SIRT5: variants seen among roughly 807,000 people sequenced by gnomAD.
SIRT5 encodes the protein NAD-dependent protein deacylase sirtuin-5, mitochondrial.
Under a neutral mutation model 40.0 loss-of-function variants are expected in SIRT5, and 26 were observed. The observed-to-expected ratio is 0.65, with a 90% CI of 0.48 to 0.90. SIRT5 has a LOEUF of 0.90. Ranked by LOEUF, SIRT5 falls within the 40% of genes least tolerant of loss-of-function variation. The probability of loss-of-function intolerance (pLI) is 0.00; values close to 1 mark genes in which losing one functional copy is unlikely to be tolerated. For missense variants in SIRT5, 401 were observed against 402.4 expected, an observed-to-expected ratio of 1.00 and a Z score of 0.03; for synonymous variants, 146 against 149.1, an observed-to-expected ratio of 0.98 and a Z score of 0.15.
At chr6:13,588,538 C>T (rs984453198) in intron 4 of SIRT5, 74 bp downstream of exon 4, 10 of 1,503,056 alleles carry the variant, frequency 6.7e-6, no homozygotes, top group Non-Finnish European at 8.9e-6. Flanking sequence ...AAATCCTATA[C>T]CGATCCCCGA....
At chr6:13,585,621 T>G (rs1034723599) in intron 3 of SIRT5, among the ~76,000 whole-genome samples, 4 of 152,212 alleles carry the variant, frequency 2.6e-5, no homozygotes, top group African/African-American at 9.7e-5. Context: ...ATTTGCCACA[T>G]TTTCTTAGTC....
intron 9 of SIRT5, 53 bp downstream of exon 9, chr6:13,601,002 G>T: frequency 7.2e-7 from 1 of 1,395,204 alleles, no homozygotes; most frequent in Non-Finnish European, 1.0e-6. Context: ...GTACAGACAT[G>T]GTCATCTAAA....
intron 5 of SIRT5, among the ~76,000 whole-genome samples, chr6:13,593,653 G>GT (rs1331089923): frequency 4.6e-5 from 7 of 151,916 alleles, no homozygotes; most frequent in African/African-American, 9.7e-5. Context: ...CTGATGAAGG[G>GT]TTTTTTTTAA....
intron 7 of SIRT5, among the ~76,000 whole-genome samples, chr6:13,598,591 AG>A (rs944924130): frequency 1.3e-5 from 2 of 152,168 alleles, no homozygotes; most frequent in African/African-American, 4.8e-5. Flanking sequence ...GCACTTTGGG[AG>A]GCCGAGGAGG....
Position 13,611,817 on chromosome 6 carries a change from G to A in SIRT5, c.885G>A (p.Thr295=), listed in dbSNP as rs201653165. The change falls in exon 10 of 10, where the codon ACG becomes ACA. Residue 295 remains threonine, a synonymous_variant. Coordinates refer to ENST00000606117, the MANE Select transcript of SIRT5 (RefSeq NM_012241.5). ...TTCATTTCCAGGGACCCTGTGGAACGACTCTTCCTGAAGCCCTTGCCTGTC... is the reference window on the plus strand; with the variant it reads ...TTCATTTCCAGGGACCCTGTGGAACAACTCTTCCTGAAGCCCTTGCCTGTC... ...FRFHFQGPCG[T]TLPEALACHE... 86 of 1,613,816 alleles carry A rather than the reference G, an allele frequency of 5.3e-5. No individual in the cohort carries two copies. Among genetic ancestry groups the A allele is most frequent in the Middle Eastern group, 1.6e-4 (1 of 6,084 alleles).
At chr6:13,577,328 A>G (rs1758757260) in intron 1 of SIRT5, among the ~76,000 whole-genome samples, 1 of 152,064 alleles carries the variant, frequency 6.6e-6, no homozygotes, top group Admixed American at 6.5e-5. Context: ...TTCTCACATC[A>G]GTGTTTTATG....
chr6:13,596,864 C>G, intron 6 of SIRT5, 99 bp from the exon 7 acceptor site: 1 of 938,572 alleles, frequency 1.1e-6, no homozygotes, highest in Admixed American at 2.5e-5. Context: ...GAGTTTTATA[C>G]CACATACTGC....
At chr6:13,584,467 C>T (rs1759795392) in intron 3 of SIRT5, among the ~76,000 whole-genome samples, 1 of 152,192 alleles carries the variant, frequency 6.6e-6, no homozygotes, top group Non-Finnish European at 1.5e-5. Context: ...TCTCTTGCCT[C>T]AGCCTCCCGA....
At chr6:13,588,683 G>A (rs1219563566) in intron 4 of SIRT5, among the ~76,000 whole-genome samples, 1 of 152,178 alleles carries the variant, frequency 6.6e-6, no homozygotes, top group Non-Finnish European at 1.5e-5. Context: ...GGTGTGGATT[G>A]CATTTATTCA....
chr6:13,598,886 T>C, intron 7 of SIRT5, 146 bp from the exon 8 acceptor site: 1 of 772,760 alleles, frequency 1.3e-6, no homozygotes, highest in Non-Finnish European at 2.0e-6. Context: ...GGCAAGTTTA[T>C]ATAGGCTGGG....
At chr6:13,588,212 T>A in intron 3 of SIRT5, 119 bp from the exon 4 acceptor site, 1 of 1,258,698 alleles carries the variant, frequency 7.9e-7, no homozygotes, top group Middle Eastern at 2.8e-4. Flanking sequence ...ACAGGAATGA[T>A]GTTTGTTTAT....
Position 13,600,878 on chromosome 6 carries a change from C to G in SIRT5, c.786C>G (p.Pro262=). The change falls in exon 9 of 10, where the codon CCC becomes CCG. Residue 262 remains proline, a synonymous_variant. Transcript: ENST00000606117. ...TGTACCCAGCAGCCATGTTTGCCCC[C>G]CAGGTGGCTGCCAGGGGCGTGCCAG... ...SVVYPAAMFA[P]QVAARGVPVA... 6.2e-7 allele frequency: 1 copy of G among 1,614,116 alleles called. No homozygotes were observed. The highest frequency in any genetic ancestry group is 2.2e-5 in the East Asian group (1 of 44,888).
intron 3 of SIRT5, among the ~76,000 whole-genome samples, chr6:13,587,005 C>G (rs542605401): frequency 1.3e-5 from 2 of 152,278 alleles, no homozygotes; most frequent in East Asian, 3.9e-4. Context: ...TCCCCTCATT[C>G]ATTCAGTCCA....
intron 9 of SIRT5, among the ~76,000 whole-genome samples, chr6:13,611,462 T>C (rs1019700974): frequency 6.6e-6 from 1 of 151,874 alleles, no homozygotes; most frequent in Non-Finnish European, 1.5e-5. Flanking sequence ...TTGCATAGGT[T>C]CTCAGGATTT....
chr6:13,595,494 C>T lies in SIRT5; in HGVS notation c.493C>T (p.Arg165Ter), dbSNP rs201959618. 19 of 1,613,828 alleles carry T rather than the reference C, an allele frequency of 1.2e-5. No individual in the cohort carries two copies. The South Asian group carries it at 1.5e-4, about 13-fold the overall frequency. ...LEIHGSLFKT[R>*]CTSCGVVAEN... is the part of the protein sequence containing the mutation. ...TTTTTCAGGTAGCTTATTTAAAACT[C>T]GATGTACCTCTTGTGGAGTTGTGGC... The change falls in exon 6 of 10, where the codon CGA becomes TGA. Residue 165 changes from arginine (R) to a stop codon, truncating the protein, a stop_gained. Transcript: ENST00000606117. LOFTEE classifies it high-confidence loss of function.
intron 2 of SIRT5, among the ~76,000 whole-genome samples, chr6:13,582,389 C>T (rs1294655774): frequency 6.6e-6 from 1 of 152,034 alleles, no homozygotes; most frequent in Non-Finnish European, 1.5e-5. Flanking sequence ...GCATTCTAAC[C>T]ATTATTAAGG....
rs112877940 is a variant in SIRT5, at chr6:13,588,338, A to G, written c.123A>G (p.Ala41=). 3 of 1,613,900 alleles carry G rather than the reference A, an allele frequency of 1.9e-6. No individual in the cohort carries two copies. The highest frequency in any genetic ancestry group is 2.5e-6 in the Non-Finnish European group (3 of 1,179,896). ...AGATTTCACTCTGTTTAGGTATGGC[A>G]GATTTTCGAAAGTTTTTTGCAAAAG... ...LKMARPSSSM[A]DFRKFFAKAK... The change falls in exon 4 of 10, where the codon GCA becomes GCG. Residue 41 remains alanine, a synonymous_variant. Transcript: ENST00000606117.
intron 9 of SIRT5, among the ~76,000 whole-genome samples, chr6:13,610,883 T>G (rs1763746716): frequency 6.6e-6 from 1 of 152,202 alleles, no homozygotes. Flanking sequence ...ATAAATAATA[T>G]AAATGAGTTG....
At chr6:13,605,058 A>G (rs1762920892) in intron 9 of SIRT5, 3 of 986,214 alleles carry the variant, frequency 3.0e-6, no homozygotes, top group Non-Finnish European at 2.4e-6. Flanking sequence ...AATTTTTCAA[A>G]GGCAGAAACC....
Sources: allele counts gnomAD v4.1 joint callset (sites outside exome capture counted in the v4.1 genomes callset), GRCh38; gene constraint gnomAD v4.1.1; transcripts MANE v1.5; gene names NCBI Gene and HGNC (gene_info 2026-07-23, HGNC 2026-07-21).